RPE65: variants seen among roughly 807,000 people sequenced by gnomAD.
RPE65 encodes the protein retinoid isomerohydrolase RPE65, also known as retinoid isomerohydrolase.
Under a neutral mutation model 68.5 loss-of-function variants are expected in RPE65, and 58 were observed. The ratio of observed to expected loss-of-function variants is 0.85; its 90% CI spans 0.69 to 1.05. The LOEUF (loss-of-function observed/expected upper bound fraction) is 1.05, where lower values mean the gene tolerates loss of function less well. RPE65 is among the 50% of genes least tolerant of loss of function. RPE65 has a pLI of 0.00. For synonymous variants in RPE65, 220 were observed against 222.2 expected (o/e 0.99, Z 0.09); for missense variants, 643 against 629.9 (o/e 1.02, Z -0.22).
In RPE65 at chr1:68,438,962, C is replaced by A. The variant is rs61752907; in HGVS notation, c.978G>T (p.Val326=). 777 of 1,613,902 alleles carry A rather than the reference C, an allele frequency of 4.8e-4. 1 individual carries two copies. The African/African-American group carries it at 5.0e-3, about 10-fold the overall frequency. The change falls in exon 9 of 14, where the codon GTG becomes GTT. Residue 326 remains valine, a synonymous_variant. Transcript: ENST00000262340. ...NTYEDNGFLI[V]DLCCWKGFEF... The stretch of plus-strand genomic sequence containing the variant: ...CTTACCCTTTCCAGCAGCAGAGATC[C>A]ACAATCAGAAACCCATTGTCTTCAT...
chr1:68,429,712 G>T lies in RPE65; in HGVS notation c.*64C>A, dbSNP rs915277974. ...AGCAGGCTAAAATTGAACAGAATTT[G>T]ATTGCAGACCTGAAGCTGATTTTCT... is the stretch of plus-strand genomic sequence containing the variant. On this transcript the variant is annotated 3_prime_UTR_variant, in exon 14 of 14. Transcript: ENST00000262340. The T allele has an allele frequency of 1.2e-6, 2 of 1,601,444 alleles. No individual in the cohort carries two copies. The highest frequency in any genetic ancestry group is 2.2e-5 in the East Asian group (1 of 44,720).
At chr1:68,439,393 A>C (rs535284480) in intron 7 of RPE65, 70 bp from the exon 8 acceptor site, 74 of 1,600,064 alleles carry the variant, frequency 4.6e-5, no homozygotes, top group Non-Finnish European at 6.0e-5. Context: ...ATTTGTATAT[A>C]TGTGGTATGC....
At chr1:68,443,746 T>G (rs1317678928) in intron 5 of RPE65, among the ~76,000 whole-genome samples, 1 of 152,220 alleles carries the variant, frequency 6.6e-6, no homozygotes, top group East Asian at 1.9e-4. Context: ...TTTCTCCACC[T>G]AGACATTAAG....
chr1:68,439,511 A>T (rs769275432), intron 7 of RPE65, 50 bp downstream of exon 7: 3 of 1,596,154 alleles, frequency 1.9e-6, no homozygotes, highest in Non-Finnish European at 1.7e-6. Flanking sequence ...GGCAAAGCAA[A>T]TCTTTAAACT....
chr1:68,431,002 A>G (rs1422021706), intron 13 of RPE65, 63 bp downstream of exon 13: 6 of 1,320,790 alleles, frequency 4.5e-6, no homozygotes, highest in Non-Finnish European at 5.5e-6. Flanking sequence ...CTCCTTTCCT[A>G]ACGAACTAAC....
Position 68,444,808 on chromosome 1 carries a change from A to G in RPE65, c.321T>C (p.Ala107=), listed in dbSNP as rs1245060094. 6.2e-7 allele frequency: 1 copy of G among 1,614,192 alleles called. No individual in the cohort carries two copies. Among genetic ancestry groups the G allele is most frequent in the African/African-American group, 1.3e-5 (1 of 75,042 alleles). Residue 107 remains alanine (A), a synonymous_variant, in exon 4 of 14, where the codon GCT becomes GCC. Transcript: ENST00000262340. ...ATATATTCTTGCAGGGATCTGGGAA[A>G]GCACAGGTGCCAAATTCTGTTATGA... ...RIVITEFGTC[A]FPDPCKNIFS...
At chr1:68,434,329 G>A (rs1645846472) in intron 10 of RPE65, among the ~76,000 whole-genome samples, 1 of 152,000 alleles carries the variant, frequency 6.6e-6, no homozygotes, top group Admixed American at 6.6e-5. Flanking sequence ...TTACTGTTGG[G>A]GAGACCAGTG....
At chr1:68,432,520 A>G (rs1213050877) in intron 10 of RPE65, among the ~76,000 whole-genome samples, 3 of 152,044 alleles carry the variant, frequency 2.0e-5, no homozygotes, top group Non-Finnish European at 2.9e-5. Flanking sequence ...CTAAGAGAAC[A>G]AATTGTGCAA....
intron 3 of RPE65, 134 bp downstream of exon 3, chr1:68,446,576 G>A: frequency 1.0e-6 from 1 of 1,003,674 alleles, no homozygotes; most frequent in Non-Finnish European, 1.5e-6. Context: ...CAGACACACT[G>A]GCCCAGGTAC....
At chr1:68,432,598 A>G (rs1645835125) in intron 10 of RPE65, among the ~76,000 whole-genome samples, 1 of 152,116 alleles carries the variant, frequency 6.6e-6, no homozygotes, top group Non-Finnish European at 1.5e-5. Flanking sequence ...GATTCTATCA[A>G]CTGAGCTAGG....
chr1:68,439,518 AAC>A, intron 7 of RPE65, 41 bp downstream of exon 7: 4 of 1,602,204 alleles, frequency 2.5e-6, no homozygotes, highest in Non-Finnish European at 3.4e-6. Flanking sequence ...CAAATCTTTA[AAC>A]TTGAGTTTTC....
intron 13 of RPE65, among the ~76,000 whole-genome samples, chr1:68,430,836 G>A (rs1020908488): frequency 6.6e-6 from 1 of 151,964 alleles, no homozygotes; most frequent in Admixed American, 6.6e-5. Flanking sequence ...ATGCTCCATC[G>A]TGACACCAAA....
intron 10 of RPE65, among the ~76,000 whole-genome samples, chr1:68,435,736 T>C (rs940011378): frequency 1.3e-5 from 2 of 152,228 alleles, no homozygotes; most frequent in African/African-American, 4.8e-5. Context: ...CAAATAACTA[T>C]GTTCCATTAA....
chr1:68,449,818 C>G, intron 1 of RPE65, 77 bp downstream of exon 1: 1 of 1,528,738 alleles, frequency 6.5e-7, no homozygotes. Context: ...AATGCCTTCT[C>G]TTCAGGAGCC....
chr1:68,443,524 T>C (rs2100825623), intron 5 of RPE65, among the ~76,000 whole-genome samples: 1 of 152,294 alleles, frequency 6.6e-6, no homozygotes, highest in South Asian at 2.1e-4. Flanking sequence ...ACCCCCTCCA[T>C]CTAGCATATC....
At position 68,431,341 on chromosome 1, in the gene RPE65, A is replaced by G. The variant is rs1180787574; in HGVS notation, c.1279T>C (p.Cys427Arg). ...TACGCATATGTGTAAGGTTTCCCAC[A>G]ATACTTCTGGTAATTGATTTGAGGA... ...EFPQINYQKY[C>R]GKPYTYAYGL... The change falls in exon 12 of 14, where the codon TGT (cysteine) becomes CGT (arginine). Residue 427 changes from cysteine (C) to arginine (R), a missense_variant. Transcript: ENST00000262340. 6.2e-7 allele frequency: 1 copy of G among 1,613,996 alleles called. No individual in the cohort carries two copies. The highest frequency in any genetic ancestry group is 1.1e-5 in the South Asian group (1 of 91,080).
intron 10 of RPE65, among the ~76,000 whole-genome samples, chr1:68,435,843 C>T (rs200664699): frequency 1.3e-5 from 2 of 152,142 alleles, no homozygotes; most frequent in South Asian, 2.1e-4. Context: ...ATTCCTGATT[C>T]GGCTTCTTTC....
chr1:68,431,615 G>T lies in RPE65; in HGVS notation c.1129-30C>A, dbSNP rs538106846. On this transcript the variant is annotated intron_variant, in intron 10 of 13. Coordinates refer to ENST00000262340, the MANE Select transcript of RPE65 (RefSeq NM_000329.3). ...GAGAGAAGATAACAGAAACCTCAGT[G>T]AGCAGGAAAGAATTCAAACAGCCAG... 17 of 1,571,260 alleles carry T rather than the reference G, an allele frequency of 1.1e-5. No homozygotes were observed. In the South Asian group the frequency reaches 1.8e-4, roughly 16 times the overall value.
At chr1:68,430,632 C>T (rs1645819226) in intron 13 of RPE65, among the ~76,000 whole-genome samples, 1 of 152,116 alleles carries the variant, frequency 6.6e-6, no homozygotes. Flanking sequence ...TTTTCAAGCC[C>T]TAGCTTACCG....
Sources: gnomAD v4.1 joint callset for allele counts (sites outside exome capture counted in the v4.1 genomes callset) on GRCh38, gnomAD v4.1.1 for gene constraint, MANE v1.5 for transcripts, NCBI Gene and HGNC (gene_info 2026-07-23, HGNC 2026-07-21) for gene names.